The following ALDH1L1 variants were observed in gnomAD, a reference collection of about 807,000 sequenced individuals.
The protein encoded by ALDH1L1 is cytosolic 10-formyltetrahydrofolate dehydrogenase.
In ALDH1L1, 68 loss-of-function variants were observed where a neutral mutation model predicts 101.1. The ratio of observed to expected loss-of-function variants is 0.67; its 90% CI spans 0.55 to 0.82. The LOEUF is 0.82. Ranked by LOEUF, ALDH1L1 falls within the 40% of genes least tolerant of loss-of-function variation. ALDH1L1 has a pLI of 0.00. For synonymous variants in ALDH1L1, 486 were observed against 470.8 expected (o/e 1.03, Z -0.42); for missense variants, 1,087 against 1,172.7 (o/e 0.93, Z 1.07).
intron 15 of ALDH1L1, 38 bp from the exon 16 acceptor site, chr3:126,124,489 G>T (rs776695962): frequency 6.4e-7 from 1 of 1,553,964 alleles, no homozygotes; most frequent in Admixed American, 1.7e-5. Context: ...GGGTAAGGAG[G>T]TTTTTGAAAG....
intron 13 of ALDH1L1, among the ~76,000 whole-genome samples, chr3:126,131,061 C>G (rs2108235656): frequency 6.6e-6 from 1 of 152,362 alleles, no homozygotes; most frequent in African/African-American, 2.4e-5. Flanking sequence ...GGACCTGCGG[C>G]CTCAGCCCTG....
intron 1 of ALDH1L1, among the ~76,000 whole-genome samples, chr3:126,166,002 T>C (rs2081161233): frequency 6.6e-6 from 1 of 152,136 alleles, no homozygotes; most frequent in Non-Finnish European, 1.5e-5. Flanking sequence ...TTCCTTTAGG[T>C]GAAGTTAGTT....
chr3:126,119,785 A>G (rs1374749938), intron 16 of ALDH1L1, among the ~76,000 whole-genome samples: 1 of 152,252 alleles, frequency 6.6e-6, no homozygotes, highest in Non-Finnish European at 1.5e-5. Context: ...CTCAACAATA[A>G]GAAAACAAAC....
At chr3:126,145,450 A>G (rs2080655501) in intron 9 of ALDH1L1, among the ~76,000 whole-genome samples, 1 of 152,278 alleles carries the variant, frequency 6.6e-6, no homozygotes, top group Non-Finnish European at 1.5e-5. Flanking sequence ...ATGTCCATCA[A>G]CAGATGAGCA....
intron 9 of ALDH1L1, among the ~76,000 whole-genome samples, chr3:126,140,071 T>C (rs1030330946): frequency 1.2e-4 from 18 of 151,810 alleles, no homozygotes. Context: ...ATGAATGAAG[T>C]CCAAGCAGGA....
chr3:126,134,475 G>C (rs1387473206), intron 12 of ALDH1L1, among the ~76,000 whole-genome samples: 2 of 152,182 alleles, frequency 1.3e-5, no homozygotes, highest in Non-Finnish European at 1.5e-5. Flanking sequence ...GGAACTCTAG[G>C]GACCACTTGG....
chr3:126,109,932 A>C lies in ALDH1L1; in HGVS notation c.2347+12T>G. The stretch of plus-strand genomic sequence containing the variant: ...CAATTGACCCAAGCGGACCTGACAC[A>C]CTCTGACTCACCTGGCCGAGGGACC... On this transcript the variant is annotated intron_variant, in intron 20 of 22. Coordinates refer to ENST00000393434, the MANE Select transcript of ALDH1L1 (RefSeq NM_012190.4). 6.2e-7 allele frequency: 1 copy of C among 1,612,954 alleles called. No individual in the cohort carries two copies. The highest frequency in any genetic ancestry group is 8.5e-7 in the Non-Finnish European group (1 of 1,179,790).
chr3:126,192,210 C>T lies in ALDH1L1; in HGVS notation c.-24+5525G>A, dbSNP rs1373678636. 2.0e-5 allele frequency among the ~76,000 whole-genome samples: 3 copies of T among 152,116 alleles called. No individual in the cohort carries two copies. The East Asian group carries it at 5.8e-4, about 29-fold the overall frequency. Reference sequence around the variant, plus strand: ...TGAACAAATCTCCCTCCTTGTGCATCCTTGTCCCTTGATTTTTTTTAACTG... The same window carrying T: ...TGAACAAATCTCCCTCCTTGTGCATTCTTGTCCCTTGATTTTTTTTAACTG... On this transcript the variant is annotated intron_variant, in intron 1 of 2. Coordinates refer to the ALDH1L1 transcript ENST00000509952.
At chr3:126,138,073 A>G (rs6799991) in intron 9 of ALDH1L1, 113 bp from the exon 10 acceptor site, 815,573 of 1,368,478 alleles carry the variant, frequency 0.6, 247,881 homozygotes, top group African/African-American at 0.9. Context: ...CCCAGCACCG[A>G]GAGGTAGCCA....
At chr3:126,135,715 A>G (rs1231199990) in intron 11 of ALDH1L1, 53 bp from the exon 12 acceptor site, 6 of 1,454,256 alleles carry the variant, frequency 4.1e-6, no homozygotes, top group Non-Finnish European at 4.5e-6. Context: ...TTGCACACAG[A>G]TACCCCTGCC....
At position 126,157,374 on chromosome 3, in the gene ALDH1L1, C is replaced by T. The variant is rs1553761991; in HGVS notation, c.497G>A (p.Arg166His). 9.3e-6 allele frequency: 15 copies of T among 1,613,854 alleles called. No homozygotes were observed. The highest frequency in any genetic ancestry group is 3.3e-4 in the Middle Eastern group (2 of 6,062). The change falls in exon 4 of 23, where the codon CGC becomes CAC. Residue 166 changes from arginine (R) to histidine (H), a missense_variant. Physicochemically the swap from Arg to His is conservative, Grantham distance 29. Coordinates refer to ENST00000393434, the MANE Select transcript of ALDH1L1 (RefSeq NM_012190.4). ...TTTGATGCCTTCAGGGAAGAGGAAGCGGTTGTACAGCGTGCTCACGGTGTC... is the reference window on the plus strand; with the variant it reads ...TTTGATGCCTTCAGGGAAGAGGAAGTGGTTGTACAGCGTGCTCACGGTGTC... The part of the protein sequence containing the change: ...PDDTVSTLYN[R>H]FLFPEGIKGM...
upstream of ALDH1L1, among the ~76,000 whole-genome samples, chr3:126,186,360 G>A (rs2081518291): frequency 6.6e-6 from 1 of 152,178 alleles, no homozygotes. Context: ...CACTAAGTGT[G>A]AGGAAATCAC....
In ALDH1L1 at chr3:126,114,560, C is replaced by A; in HGVS notation, c.2079G>T (p.Gln693His). Residue 693 changes from glutamine (Q) to histidine (H), a missense_variant, in exon 18 of 23, where the codon CAG becomes CAT. Gln to His is a conservative substitution (Grantham distance 24). Around this residue, in one of 2 missense-constraint regions of ALDH1L1, gnomAD observed 442 missense variants for 535.7 expected, o/e 0.83. Transcript: ENST00000393434. ...CCCCTCCAGGCCCGGCCCTCACCAT[C>A]TGCACAGCCTTGTTGAGGTCACAGT... ...FADCDLNKAV[Q>H]MGMSSVFFNK... is the part of the protein sequence containing the mutation. 6.7e-7 allele frequency: 1 copy of A among 1,497,170 alleles called. No homozygotes were observed. Among genetic ancestry groups the A allele is most frequent in the Non-Finnish European group, 8.9e-7 (1 of 1,122,994 alleles). 92.7% of individuals were successfully genotyped at this position (1,497,170 alleles called of 1,614,324 possible). A position where few individuals can be genotyped will look rare whatever the true frequency, so the allele number is the denominator to read the frequency against.
chr3:126,192,448 G>A (rs541283413), intron 1 of ALDH1L1, among the ~76,000 whole-genome samples: 19 of 152,162 alleles, frequency 1.2e-4, no homozygotes, highest in African/African-American at 3.6e-4. Context: ...AAACATTTGG[G>A]TATTTTAGAG....
In ALDH1L1 at chr3:126,188,945, G is replaced by GT. The variant is rs113853163; in HGVS notation, c.-24+8789dup. Reference sequence around the variant, plus strand: ...ATTTTAACCAAATAGCCTGTTTGTTGTTTTTTTGTGACTGAGTCTGTACAG... The same window carrying GT: ...ATTTTAACCAAATAGCCTGTTTGTTGTTTTTTTTGTGACTGAGTCTGTACAG... On this transcript the variant is annotated intron_variant, in intron 1 of 2. Transcript: ENST00000509952. 3.3e-5 allele frequency among the ~76,000 whole-genome samples: 5 copies of GT among 151,770 alleles called. No individual in the cohort carries two copies. In the East Asian group the frequency reaches 5.8e-4, roughly 18 times the overall value.
intron 12 of ALDH1L1, 138 bp downstream of exon 12, chr3:126,135,397 C>A: frequency 8.2e-7 from 1 of 1,218,370 alleles, no homozygotes; most frequent in Non-Finnish European, 1.1e-6. Context: ...CCTGGCCCAT[C>A]TGATGGCCTC....
chr3:126,188,228 G>C (rs1007735749), intron 1 of ALDH1L1, among the ~76,000 whole-genome samples: 2 of 152,226 alleles, frequency 1.3e-5, no homozygotes, highest in African/African-American at 4.8e-5. Flanking sequence ...AATAAATACA[G>C]TTGGCCCTCC....
chr3:126,112,360 G>A (rs752678802), intron 19 of ALDH1L1, among the ~76,000 whole-genome samples: 2 of 152,098 alleles, frequency 1.3e-5, no homozygotes, highest in African/African-American at 2.4e-5. Context: ...AGGGGGATTC[G>A]TGCTCCAGGG....
chr3:126,105,851 A>G lies in ALDH1L1; in HGVS notation c.2528T>C (p.Ile843Thr). Residue 843 changes from isoleucine to threonine, a missense_variant, in exon 22 of 23, where the codon ATC becomes ACC. This residue lies in a region of ALDH1L1 where 442 missense variants were observed against 535.7 expected (regional missense o/e 0.83). Coordinates refer to ENST00000393434, the MANE Select transcript of ALDH1L1 (RefSeq NM_012190.4). ...GLASGVFTRDINKALYVSDKL... is the reference protein window; with the variant it reads ...GLASGVFTRDTNKALYVSDKL... ...GTCACTGACATACAGGGCCTTGTTG[A>G]TGTCCCTGGTGAAGACACCAGAAGC... 6.2e-7 allele frequency: 1 copy of G among 1,614,184 alleles called. No homozygotes were observed. Among genetic ancestry groups the G allele is most frequent in the South Asian group, 1.1e-5 (1 of 91,080 alleles).
Sources: allele counts gnomAD v4.1 joint callset (sites outside exome capture counted in the v4.1 genomes callset), GRCh38; gene constraint gnomAD v4.1.1; regional missense constraint gnomAD v4.1.1; transcripts MANE v1.5; gene names NCBI Gene and HGNC (gene_info 2026-07-23, HGNC 2026-07-21).